PLPP4: variants seen among roughly 807,000 people sequenced by gnomAD.
PLPP4 encodes diacylglycerol pyrophosphate like 2.
In PLPP4, 20 loss-of-function variants were observed where a neutral mutation model predicts 32.2. The observed-to-expected ratio is 0.62, with a 90% confidence interval of 0.44 to 0.90. The LOEUF (loss-of-function observed/expected upper bound fraction) is 0.90. Among genes scored for constraint, PLPP4 ranks in the 40% least tolerant of loss-of-function variants. The pLI is 0.00. For synonymous variants in PLPP4, 127 were observed against 133.0 expected, an observed-to-expected ratio of 0.95 and a Z score of 0.31; for missense variants, 257 against 353.1, an observed-to-expected ratio of 0.73 and a Z score of 2.18.
chr10:120,472,273 GAAATA>G (rs1848549350), intron 1 of PLPP4, among the ~76,000 whole-genome samples: 1 of 151,994 alleles, frequency 6.6e-6, no homozygotes, highest in Non-Finnish European at 1.5e-5. Flanking sequence ...CAGATTGCTG[GAAATA>G]AATTCTCCTG....
intron 1 of PLPP4, among the ~76,000 whole-genome samples, chr10:120,485,341 T>A (rs1236293979): frequency 6.6e-6 from 1 of 152,264 alleles, no homozygotes; most frequent in Non-Finnish European, 1.5e-5. Flanking sequence ...TCTTTTCACC[T>A]GCTCAGGAGC....
At chr10:120,581,400 C>G in intron 6 of PLPP4, 1 of 716,374 alleles carries the variant, frequency 1.4e-6, no homozygotes, top group Non-Finnish European at 1.7e-6. Flanking sequence ...CTCCTTCCTT[C>G]TTTGGCCCTC....
intron 1 of PLPP4, among the ~76,000 whole-genome samples, chr10:120,469,988 TA>T (rs1274495383): frequency 6.6e-6 from 1 of 152,230 alleles, no homozygotes; most frequent in African/African-American, 2.4e-5. Context: ...GATAAACTCT[TA>T]CAAATGAATT....
At chr10:120,487,588 G>C (rs1844519572) in intron 1 of PLPP4, among the ~76,000 whole-genome samples, 1 of 152,126 alleles carries the variant, frequency 6.6e-6, no homozygotes, top group Non-Finnish European at 1.5e-5. Flanking sequence ...TTTTTTAATA[G>C]ACAAGATAAC....
At chr10:120,565,457 CTCTT>C (rs1271181680) in intron 5 of PLPP4, among the ~76,000 whole-genome samples, 1 of 151,942 alleles carries the variant, frequency 6.6e-6, no homozygotes, top group East Asian at 1.9e-4. Context: ...TTGACAGTTA[CTCTT>C]TCTTTCTGAA....
chr10:120,463,250 T>C (rs774456881), intron 1 of PLPP4, among the ~76,000 whole-genome samples: 3 of 152,058 alleles, frequency 2.0e-5, no homozygotes, highest in Non-Finnish European at 4.4e-5. Flanking sequence ...ATGGTCTCGA[T>C]CTCCTGACCT....
At chr10:120,512,203 T>C (rs1021808834) in intron 2 of PLPP4, among the ~76,000 whole-genome samples, 4 of 152,186 alleles carry the variant, frequency 2.6e-5, no homozygotes, top group African/African-American at 7.2e-5. Context: ...GCCCAATAAT[T>C]TATGGCACAG....
chr10:120,478,013 G>A (rs986867761), intron 1 of PLPP4, among the ~76,000 whole-genome samples: 2 of 152,142 alleles, frequency 1.3e-5, no homozygotes, highest in Non-Finnish European at 2.9e-5. Context: ...GAAGGGGTCA[G>A]GAGTTTCACT....
intron 5 of PLPP4, among the ~76,000 whole-genome samples, chr10:120,572,319 G>T (rs1295813685): frequency 6.6e-6 from 1 of 152,256 alleles, no homozygotes; most frequent in Non-Finnish European, 1.5e-5. Context: ...ACAGTGGAGG[G>T]TTTCCACAGC....
chr10:120,512,944 C>G (rs1488937881), intron 2 of PLPP4, among the ~76,000 whole-genome samples: 1 of 152,176 alleles, frequency 6.6e-6, no homozygotes, highest in East Asian at 1.9e-4. Context: ...GAACACTATT[C>G]GTCAACAGTT....
chr10:120,463,216 C>CTG (rs1848149690), intron 1 of PLPP4, among the ~76,000 whole-genome samples: 3 of 151,870 alleles, frequency 2.0e-5, no homozygotes, highest in African/African-American at 7.3e-5. Flanking sequence ...TTAGTAGAGA[C>CTG]GTAGTTTCAC....
At chr10:120,581,756 C>A (rs543600782) in intron 6 of PLPP4, among the ~76,000 whole-genome samples, 3 of 152,144 alleles carry the variant, frequency 2.0e-5, no homozygotes, top group African/African-American at 7.2e-5. Flanking sequence ...CCTTCTCCGT[C>A]TCGTGATGCC....
chr10:120,461,718 A>G (rs1344058738), intron 1 of PLPP4, among the ~76,000 whole-genome samples: 1 of 152,222 alleles, frequency 6.6e-6, no homozygotes, highest in Non-Finnish European at 1.5e-5. Flanking sequence ...GTGGGCCACC[A>G]TTTGTTATTG....
intron 3 of PLPP4, among the ~76,000 whole-genome samples, chr10:120,517,048 A>G (rs1845961073): frequency 6.6e-6 from 1 of 152,104 alleles, no homozygotes; most frequent in South Asian, 2.1e-4. Context: ...GCTATTTCAG[A>G]CTTTTTAAAG....
intron 1 of PLPP4, among the ~76,000 whole-genome samples, chr10:120,476,051 C>T (rs1324637460): frequency 1.3e-5 from 2 of 152,182 alleles, no homozygotes; most frequent in Non-Finnish European, 2.9e-5. Context: ...CGAATAATGG[C>T]ATGTGCCTGC....
chr10:120,541,995 C>T (rs1847367187), intron 5 of PLPP4, among the ~76,000 whole-genome samples: 1 of 152,192 alleles, frequency 6.6e-6, no homozygotes, highest in South Asian at 2.1e-4. Context: ...CCAGGCTGGT[C>T]TCAAACTCCT....
intron 1 of PLPP4, among the ~76,000 whole-genome samples, chr10:120,486,679 G>T (rs371509640): frequency 6.6e-6 from 1 of 152,242 alleles, no homozygotes; most frequent in Non-Finnish European, 1.5e-5. Context: ...ATCGACAGAC[G>T]TTTTTGCCAT....
intron 5 of PLPP4, among the ~76,000 whole-genome samples, chr10:120,560,311 C>A (rs181891249): frequency 1.4e-5 from 2 of 138,730 alleles, no homozygotes; most frequent in African/African-American, 5.4e-5. Flanking sequence ...ATGAATGAAT[C>A]GAGCCTAAGG....
At chr10:120,478,965 G>A (rs929622832) in intron 1 of PLPP4, among the ~76,000 whole-genome samples, 11 of 152,336 alleles carry the variant, frequency 7.2e-5, no homozygotes, top group Admixed American at 3.9e-4. Context: ...AGTGGCTCAC[G>A]CCTGTAATCC....
Sources: allele counts gnomAD v4.1 joint callset (sites outside exome capture counted in the v4.1 genomes callset), GRCh38; gene constraint gnomAD v4.1.1; transcripts MANE v1.5; gene names NCBI Gene and HGNC (gene_info 2026-07-23, HGNC 2026-07-21).